C21orf91: variants seen among roughly 807,000 people sequenced by gnomAD.
C21orf91 encodes the protein protein EURL homolog.
C21orf91 carries 26 observed loss-of-function variants against 32.9 expected under a neutral mutation model. That is an observed-to-expected ratio of 0.79 (90% CI 0.58 to 1.10). The LOEUF is 1.10. C21orf91 is among the 50% of genes least tolerant of loss of function. C21orf91 has a pLI of 0.00. For missense variants in C21orf91, 310 were observed against 341.3 expected, an observed-to-expected ratio of 0.91 and a Z score of 0.72; for synonymous variants, 126 against 120.4, an observed-to-expected ratio of 1.05 and a Z score of -0.31.
Position 17,797,052 on chromosome 21 carries a change from T to C in C21orf91, c.194A>G (p.Tyr65Cys), listed in dbSNP as rs1371921715. ...LRGHKDCFEK[Y>C]HLIANQGCPR... Reference sequence around the variant, plus strand: ...ACAACCCTGGTTTGCAATTAAATGGTATTTTTCAAAGCAGTCTTTATGGCC... The same window carrying C: ...ACAACCCTGGTTTGCAATTAAATGGCATTTTTCAAAGCAGTCTTTATGGCC... The change falls in exon 3 of 5, where the codon TAC becomes TGC. Residue 65 changes from tyrosine to cysteine, a missense_variant. Coordinates refer to ENST00000284881, the MANE Select transcript of C21orf91 (RefSeq NM_001100420.2). The C allele has an allele frequency of 1.2e-6, 2 of 1,611,514 alleles. No homozygotes were observed. Among genetic ancestry groups the C allele is most frequent in the African/African-American group, 1.3e-5 (1 of 74,882 alleles).
In C21orf91 at chr21:17,790,796, G is replaced by T. The variant is rs181874699; in HGVS notation, c.*2619C>A. The T allele has an allele frequency of 2.2e-4, 33 of 152,142 alleles. No individual in the cohort carries two copies. The highest frequency in any genetic ancestry group is 1.8e-3 in the Admixed American group (27 of 15,276). The allele number at this position is 152,142 out of a possible 1,614,324, so 9.4% of individuals were successfully genotyped here. A position where few individuals can be genotyped will look rare whatever the true frequency, so the allele number is the denominator to read the frequency against. On this transcript the variant is annotated 3_prime_UTR_variant, in exon 5 of 5. Transcript: ENST00000284881. ...TCATTATAAGGCTGAACTTTAAAGA[G>T]AACAACCTGTGTGGTCAAAAACACT...
chr21:17,794,326 ATTAC>A (rs1383823235), intron 4 of C21orf91, among the ~76,000 whole-genome samples: 9 of 152,246 alleles, frequency 5.9e-5, no homozygotes, highest in African/African-American at 2.2e-4. Context: ...GAATCTGAAC[ATTAC>A]TTGTTAGTGT....
chr21:17,816,662 T>C (rs2062666682), intron 2 of C21orf91, among the ~76,000 whole-genome samples: 1 of 152,238 alleles, frequency 6.6e-6, no homozygotes, highest in African/African-American at 2.4e-5. Context: ...AAATAGAAAA[T>C]GACAGTAGTC....
chr21:17,815,285 T>G (rs1198716584), intron 2 of C21orf91, among the ~76,000 whole-genome samples: 6 of 152,196 alleles, frequency 3.9e-5, no homozygotes, highest in African/African-American at 1.4e-4. Flanking sequence ...AGAGAATTTA[T>G]TTTTACTCAG....
intron 2 of C21orf91, among the ~76,000 whole-genome samples, chr21:17,814,652 G>C (rs1049858137): frequency 6.6e-6 from 1 of 152,066 alleles, no homozygotes; most frequent in South Asian, 2.1e-4. Flanking sequence ...AGAGAGTGAG[G>C]GGGGGAGGTG....
At chr21:17,796,493 C>T (rs527838332) in intron 3 of C21orf91, 89 bp downstream of exon 3, 2 of 955,398 alleles carry the variant, frequency 2.1e-6, no homozygotes, top group Admixed American at 2.3e-5. Context: ...TATGATTCCA[C>T]AGCAAAATTC....
intron 2 of C21orf91, among the ~76,000 whole-genome samples, chr21:17,807,590 G>C (rs2062606356): frequency 6.6e-6 from 1 of 152,208 alleles, no homozygotes; most frequent in South Asian, 2.1e-4. Context: ...GGAAACTTCG[G>C]AACTTCCTAG....
At position 17,793,435 on chromosome 21, in the gene C21orf91, G is replaced by A; in HGVS notation, c.874C>T (p.His292Tyr). Residue 292 changes from histidine to tyrosine, a missense_variant, in exon 5 of 5, where the codon CAC (histidine) becomes TAC (tyrosine). His to Tyr is a moderately conservative substitution (Grantham distance 83). Coordinates refer to ENST00000284881, the MANE Select transcript of C21orf91 (RefSeq NM_001100420.2). ...TTAGGTCAGTTGTTTATGGGTAGGT[G>A]CGACTTCATTCCTGTTCGCCCTACT... ...LQVGRTGMKSHLPINN is the reference protein window; with the variant it reads ...LQVGRTGMKSYLPINN 1 of 1,611,312 alleles carries A rather than the reference G, an allele frequency of 6.2e-7. No homozygotes were observed. Among genetic ancestry groups the A allele is most frequent in the Non-Finnish European group, 8.5e-7 (1 of 1,178,284 alleles).
intron 2 of C21orf91, among the ~76,000 whole-genome samples, chr21:17,809,389 T>C (rs1231842897): frequency 2.0e-5 from 3 of 152,200 alleles, no homozygotes; most frequent in Admixed American, 6.5e-5. Flanking sequence ...AGTATAGAAG[T>C]ATGAATGAAG....
chr21:17,815,133 A>T (rs2062657011), intron 2 of C21orf91, among the ~76,000 whole-genome samples: 1 of 152,144 alleles, frequency 6.6e-6, no homozygotes, highest in African/African-American at 2.4e-5. Flanking sequence ...GTATGCATGC[A>T]CACAGCTTTT....
At chr21:17,801,317 C>T (rs2062558725) in intron 2 of C21orf91, among the ~76,000 whole-genome samples, 2 of 151,370 alleles carry the variant, frequency 1.3e-5, no homozygotes, top group African/African-American at 4.9e-5. Context: ...GTCACCCAGG[C>T]TGGAGTGCAG....
At chr21:17,808,573 C>G (rs1377813337) in intron 2 of C21orf91, among the ~76,000 whole-genome samples, 2 of 152,212 alleles carry the variant, frequency 1.3e-5, no homozygotes, top group African/African-American at 4.8e-5. Flanking sequence ...CACTGTGCAC[C>G]TGGAAAAGCT....
chr21:17,795,916 A>G (rs978011415), intron 3 of C21orf91, among the ~76,000 whole-genome samples: 7 of 152,218 alleles, frequency 4.6e-5, no homozygotes, highest in Non-Finnish European at 8.8e-5. Flanking sequence ...CTACCCATTA[A>G]GCTTATTTTG....
chr21:17,798,501 TA>T (rs1359362502), intron 2 of C21orf91, among the ~76,000 whole-genome samples: 1 of 152,192 alleles, frequency 6.6e-6, no homozygotes, highest in Non-Finnish European at 1.5e-5. Flanking sequence ...TCTCATGAGG[TA>T]AACTCAAATA....
At chr21:17,793,615 T>C (rs550343756) in intron 4 of C21orf91, 34 bp from the exon 5 acceptor site, 1 of 1,433,032 alleles carries the variant, frequency 7.0e-7, no homozygotes, top group Non-Finnish European at 9.8e-7. Flanking sequence ...ATTTTTAGTA[T>C]GCAGAAAGCC....
At chr21:17,807,039 C>T (rs1158515742) in intron 2 of C21orf91, among the ~76,000 whole-genome samples, 1 of 152,184 alleles carries the variant, frequency 6.6e-6, no homozygotes, top group Admixed American at 6.5e-5. Context: ...TAATCTAAAA[C>T]TGACTTTTCT....
chr21:17,793,200 G>C lies in C21orf91; in HGVS notation c.*215C>G, dbSNP rs2062490748. On this transcript the variant is annotated 3_prime_UTR_variant, in exon 5 of 5. Transcript: ENST00000284881. ...TGATAAAATTTGTTTAGTAATTCTG[G>C]GAAAAAAGAGTCCCCAAATGAGCCA... is the stretch of plus-strand genomic sequence containing the variant. 1 of 344,520 alleles carries C rather than the reference G, an allele frequency of 2.9e-6. No homozygotes were observed. The highest frequency in any genetic ancestry group is 4.5e-5 in the Admixed American group (1 of 22,294). 21.3% of individuals were successfully genotyped at this position (344,520 alleles called of 1,614,324 possible). A position where few individuals can be genotyped will look rare whatever the true frequency, so the allele number is the denominator to read the frequency against.
At chr21:17,808,603 T>C (rs1012533178) in intron 2 of C21orf91, among the ~76,000 whole-genome samples, 1 of 152,200 alleles carries the variant, frequency 6.6e-6, no homozygotes, top group African/African-American at 2.4e-5. Flanking sequence ...TAACCCCAGT[T>C]TGTGATGTAA....
rs573070916 is a variant in C21orf91, at chr21:17,795,670, C to T, written c.665-400G>A. Among the ~76,000 whole-genome samples, 14 of 152,048 alleles carry T rather than the reference C, an allele frequency of 9.2e-5. No homozygotes were observed. In the South Asian group the frequency reaches 2.3e-3, roughly 25 times the overall value. On this transcript the variant is annotated intron_variant, in intron 3 of 4. Transcript: ENST00000284881. ...TTATTTTTTGTAGAGATGGGGTCTC[C>T]CTGTGTTGTCTAGGCTGGTCTTGAA...
Sources: allele counts gnomAD v4.1 joint callset (sites outside exome capture counted in the v4.1 genomes callset), GRCh38; gene constraint gnomAD v4.1.1; transcripts MANE v1.5; gene names NCBI Gene and HGNC (gene_info 2026-07-23, HGNC 2026-07-21).